The following C11orf16 variants were observed in gnomAD, a reference collection of about 807,000 sequenced individuals.
C11orf16 encodes chromosome 11 open reading frame 16.
C11orf16 carries 38 observed loss-of-function variants against 45.1 expected under a neutral mutation model. The observed-to-expected ratio is 0.84, with a 90% CI of 0.65 to 1.10. The LOEUF (loss-of-function observed/expected upper bound fraction) is 1.10, where lower values mean the gene tolerates loss of function less well. Among genes scored for constraint, C11orf16 ranks in the 50% least tolerant of loss-of-function variants. The pLI, the probability that C11orf16 is intolerant of heterozygous loss-of-function variation, is 0.00. For synonymous variants in C11orf16, 221 were observed against 222.0 expected (o/e 1.00, Z 0.04); for missense variants, 583 against 569.5 (o/e 1.02, Z -0.24).
At position 8,925,932 on chromosome 11, in the gene C11orf16, CAG is replaced by C. The variant is rs1158292462; in HGVS notation, c.733_734del (p.Leu245AlafsTer10). 5 of 1,614,156 alleles carry C rather than the reference CAG, an allele frequency of 3.1e-6. No homozygotes were observed. Among genetic ancestry groups the C allele is most frequent in the Non-Finnish European group, 4.2e-6 (5 of 1,180,034 alleles). The part of the protein sequence containing the change: ...RPLHWAPCCS[L>X]LGPITGRITN... Reference sequence around the variant, plus strand: ...TGATGCGCCCAGTGATTGGCCCTAGCAGAGAGCAGCAAGGGGCCCAGTGAAGG... The same window carrying C: ...TGATGCGCCCAGTGATTGGCCCTAGCAGAGCAGCAAGGGGCCCAGTGAAGG... On this transcript the variant is annotated frameshift_variant, in exon 5 of 7. Coordinates refer to ENST00000326053, the MANE Select transcript of C11orf16 (RefSeq NM_020643.3). LOFTEE classifies it high-confidence loss of function.
At position 8,925,922 on chromosome 11, in the gene C11orf16, T is replaced by C; in HGVS notation, c.745A>G (p.Ile249Val). The part of the protein sequence containing the change: ...WAPCCSLLGP[I>V]TGRITNELPP... ...AGCTCATTAGTGATGCGCCCAGTGA[T>C]TGGCCCTAGCAGAGAGCAGCAAGGG... The change falls in exon 5 of 7, where the codon ATC becomes GTC. Residue 249 changes from isoleucine (I) to valine (V), a missense_variant. Transcript: ENST00000326053. The C allele has an allele frequency of 1.9e-6, 3 of 1,614,176 alleles. No homozygotes were observed. The South Asian group carries it at 3.3e-5, about 18-fold the overall frequency.
At chr11:8,925,030 C>G (rs1313292780) in intron 5 of C11orf16, among the ~76,000 whole-genome samples, 1 of 152,208 alleles carries the variant, frequency 6.6e-6, no homozygotes, top group Non-Finnish European at 1.5e-5. Context: ...AGAGTGGGGC[C>G]TCACGACCAA....
chr11:8,932,491 C>T lies in C11orf16; in HGVS notation c.-18-165G>A, dbSNP rs555349889. On this transcript the variant is annotated intron_variant, in intron 1 of 6. Transcript: ENST00000326053. ...TCTCACAGTTTCCTCTTTGAGTCAC[C>T]TGCCTTGGGAACCTCCACTCAGGAA... 2.6e-5 allele frequency among the ~76,000 whole-genome samples: 4 copies of T among 152,312 alleles called. No homozygotes were observed. In the South Asian group the frequency reaches 8.3e-4, roughly 32 times the overall value.
At chr11:8,921,103 C>A (rs1180144958) in intron 6 of C11orf16, among the ~76,000 whole-genome samples, 191 bp downstream of exon 6, 3 of 152,046 alleles carry the variant, frequency 2.0e-5, no homozygotes, top group Non-Finnish European at 4.4e-5. Context: ...TCCTTGCACC[C>A]CCAAGAAGCC....
chr11:8,920,410 T>C lies in C11orf16; in HGVS notation c.*63A>G, dbSNP rs773928204. ...TTGAAGAAGGCCTTGTCAGCCACTC[T>C]GTATAACTCTCCTCGAATATTTACC... On this transcript the variant is annotated 3_prime_UTR_variant, in exon 7 of 7. Coordinates refer to ENST00000326053, the MANE Select transcript of C11orf16 (RefSeq NM_020643.3). 8.9e-6 allele frequency: 6 copies of C among 672,522 alleles called. No homozygotes were observed. The South Asian group carries it at 9.6e-5, about 11-fold the overall frequency. The allele number at this position is 672,522 out of a possible 1,614,324, so 41.7% of individuals were successfully genotyped here.
chr11:8,926,379 C>T (rs1226333694), intron 4 of C11orf16, among the ~76,000 whole-genome samples: 1 of 151,832 alleles, frequency 6.6e-6, no homozygotes, highest in Non-Finnish European at 1.5e-5. Context: ...TCAGCCTGGC[C>T]CCGCTGCTCT....
intron 5 of C11orf16, 36 bp downstream of exon 5, chr11:8,925,427 C>T (rs370873361): frequency 1.5e-4 from 230 of 1,583,818 alleles, no homozygotes; most frequent in Admixed American, 5.6e-4. Context: ...GGCCCCAGCC[C>T]CTGCCTTAGA....
chr11:8,930,661 A>G (rs1367582961), intron 2 of C11orf16, among the ~76,000 whole-genome samples: 1 of 152,140 alleles, frequency 6.6e-6, no homozygotes, highest in Non-Finnish European at 1.5e-5. Context: ...TGTTGTGGTC[A>G]GGGCCAGTTG....
intron 5 of C11orf16, among the ~76,000 whole-genome samples, chr11:8,924,257 G>A (rs1443028962): frequency 1.3e-5 from 2 of 152,158 alleles, no homozygotes; most frequent in Non-Finnish European, 2.9e-5. Flanking sequence ...CCAGCTTGGT[G>A]GTTCACGCCT....
Position 8,925,487 on chromosome 11 carries a change from G to T in C11orf16, c.1180C>A (p.Pro394Thr). The T allele has an allele frequency of 6.2e-7, 1 of 1,613,996 alleles. No individual in the cohort carries two copies. Among genetic ancestry groups the T allele is most frequent in the Non-Finnish European group, 8.5e-7 (1 of 1,179,966 alleles). ...PEWRYWKRNG[P>T]EPCLGKPGTR... Reference sequence around the variant, plus strand: ...CCTGGCTTCCCAAGGCATGGCTCAGGCCCGTTTCTCTTCCAATACCTCCAC... The same window carrying T: ...CCTGGCTTCCCAAGGCATGGCTCAGTCCCGTTTCTCTTCCAATACCTCCAC... The change falls in exon 5 of 7, where the codon CCT becomes ACT. Residue 394 changes from proline to threonine, a missense_variant. By Grantham distance (38) the Pro-to-Thr change is conservative. Coordinates refer to ENST00000326053, the MANE Select transcript of C11orf16 (RefSeq NM_020643.3).
At chr11:8,927,722 T>A (rs780163479) in intron 3 of C11orf16, 2 of 453,948 alleles carry the variant, frequency 4.4e-6, no homozygotes, top group South Asian at 3.1e-5. Flanking sequence ...AGCAAATGAA[T>A]AGCAAAAGTG....
At chr11:8,921,660 A>T in intron 5 of C11orf16, 145 bp from the exon 6 acceptor site, 1 of 819,642 alleles carries the variant, frequency 1.2e-6, no homozygotes, top group Non-Finnish European at 1.9e-6. Context: ...GGGTCTTGCT[A>T]TTATCACCCA....
chr11:8,926,916 A>T, intron 4 of C11orf16, 24 bp downstream of exon 4: 1 of 1,595,000 alleles, frequency 6.3e-7, no homozygotes, highest in Non-Finnish European at 8.6e-7. Context: ...CTGGGCACTG[A>T]TGGGTCAGAG....
At chr11:8,932,685 G>C (rs1341917905) in intron 1 of C11orf16, among the ~76,000 whole-genome samples, 1 of 152,178 alleles carries the variant, frequency 6.6e-6, no homozygotes, top group Non-Finnish European at 1.5e-5. Flanking sequence ...ACTTATGTTA[G>C]TATTTTTCCT....
Position 8,932,171 on chromosome 11 carries a change from G to A in C11orf16, c.138C>T (p.Pro46=). 1 of 1,588,630 alleles carries A rather than the reference G, an allele frequency of 6.3e-7. No homozygotes were observed. The highest frequency in any genetic ancestry group is 8.6e-7 in the Non-Finnish European group (1 of 1,168,026). Residue 46 remains proline (P), a synonymous_variant, in exon 2 of 7, where the codon CCC becomes CCT. Transcript: ENST00000326053. ...SFTYPFALQA[P]WLTGHKPLAR... is the part of the protein sequence containing the mutation. ...CAAGGGGCTTGTGCCCGGTGAGCCA[G>A]GGTGCTTGGAGGGCAAAGGGGTAGG... is the stretch of plus-strand genomic sequence containing the variant.
At chr11:8,928,557 C>T (rs1018101917) in intron 3 of C11orf16, among the ~76,000 whole-genome samples, 1 of 152,206 alleles carries the variant, frequency 6.6e-6, no homozygotes, top group African/African-American at 2.4e-5. Context: ...CTCCACCCTC[C>T]TCCCACAGGC....
chr11:8,924,869 C>T (rs1453710948), intron 5 of C11orf16, among the ~76,000 whole-genome samples: 1 of 152,200 alleles, frequency 6.6e-6, no homozygotes, highest in East Asian at 1.9e-4. Context: ...CAGGGCCCGC[C>T]ACACAGTTCT....
In C11orf16 at chr11:8,924,286, G is replaced by A. The variant is rs1263030602; in HGVS notation, c.1204+1177C>T. Among the ~76,000 whole-genome samples, 3 of 152,152 alleles carry A rather than the reference G, an allele frequency of 2.0e-5. No individual in the cohort carries two copies. The East Asian group carries it at 5.8e-4, about 29-fold the overall frequency. ...CACGCCTGTAATCCCAGCACTTTGG[G>A]AGGCCGAGGCAGGCAGATCACTTAG... On this transcript the variant is annotated intron_variant, in intron 5 of 6. Coordinates refer to ENST00000326053, the MANE Select transcript of C11orf16 (RefSeq NM_020643.3).
Position 8,932,323 on chromosome 11 carries a change from C to G in C11orf16, c.-15G>C. On this transcript the variant is annotated 5_prime_UTR_variant, in exon 2 of 7. Coordinates refer to ENST00000326053, the MANE Select transcript of C11orf16 (RefSeq NM_020643.3). The stretch of plus-strand genomic sequence containing the variant: ...GAGGATTCCATGGCCTTCAGAGGAT[C>G]CACCTGAGAATAGGCACCACCATTA... 1 of 1,580,750 alleles carries G rather than the reference C, an allele frequency of 6.3e-7. No homozygotes were observed. Among genetic ancestry groups the G allele is most frequent in the Non-Finnish European group, 8.6e-7 (1 of 1,164,846 alleles).
Sources: allele counts gnomAD v4.1 joint callset (sites outside exome capture counted in the v4.1 genomes callset), GRCh38; gene constraint gnomAD v4.1.1; transcripts MANE v1.5; gene names NCBI Gene and HGNC (gene_info 2026-07-23, HGNC 2026-07-21).